The following DMXL1 variants were observed in gnomAD, a reference collection of about 807,000 sequenced individuals.
DMXL1 encodes the protein dmX-like protein 1.
A neutral mutation model predicts 319.2 loss-of-function variants in DMXL1; 99 were observed. That is an observed-to-expected ratio of 0.31 (90% CI 0.26 to 0.37). The LOEUF (loss-of-function observed/expected upper bound fraction) is 0.37. DMXL1 is among the 10% of genes least tolerant of loss of function. DMXL1 has a pLI of 1.00. For missense variants in DMXL1, 3,745 were observed against 3,595.6 expected, an observed-to-expected ratio of 1.04 and a Z score of -1.06; for synonymous variants, 1,385 against 1,235.2, an observed-to-expected ratio of 1.12 and a Z score of -2.54.
Position 119,105,271 on chromosome 5 carries a change from G to A in DMXL1, c.364+13G>A, listed in dbSNP as rs185803926. 8 of 1,600,884 alleles carry A rather than the reference G, an allele frequency of 5.0e-6. No homozygotes were observed. The East Asian group carries it at 1.8e-4, about 36-fold the overall frequency. The stretch of plus-strand genomic sequence containing the variant: ...TGGGATCCCACAGGTAAGAAAATAA[G>A]CAGGATTAACTAAAATGAAATATCA... On this transcript the variant is annotated intron_variant, in intron 4 of 43. Coordinates refer to ENST00000539542, the MANE Select transcript of DMXL1 (RefSeq NM_001290321.3).
chr5:119,089,310 T>A lies in DMXL1; in HGVS notation c.88-8669T>A, dbSNP rs1165924168. 2.2e-3 allele frequency among the ~76,000 whole-genome samples: 234 copies of A among 106,958 alleles called. 2 individuals carry two copies. Among genetic ancestry groups the A allele is most frequent in the African/African-American group, 7.1e-3 (209 of 29,274 alleles). 70.2% of individuals were successfully genotyped at this position (106,958 alleles called of 152,430 possible). A position where few individuals can be genotyped will look rare whatever the true frequency, so the allele number is the denominator to read the frequency against. On this transcript the variant is annotated intron_variant, in intron 1 of 43. Transcript: ENST00000539542. ...TATATATATTTTTTTTTTTTTTTTT[T>A]TTTTTTTTTTTTTGAGACAGAGTCT...
In DMXL1 at chr5:119,133,784, T is replaced by C. The variant is rs558370698; in HGVS notation, c.1860T>C (p.Ala620=). 1.8e-5 allele frequency: 29 copies of C among 1,614,096 alleles called. No homozygotes were observed. In the Middle Eastern group the frequency reaches 6.6e-4, roughly 37 times the overall value. Residue 620 remains alanine, a synonymous_variant, in exon 12 of 44, where the codon GCT becomes GCC. Transcript: ENST00000539542. The part of the protein sequence containing the change: ...QWLVSFAEES[A]FSTVLSISHK... ...TGGTCAGTTTTGCCGAGGAATCTGC[T>C]TTTTCTACTGTTCTCAGTATTTCCC...
At chr5:119,193,331 C>A (rs769210044) in intron 29 of DMXL1, among the ~76,000 whole-genome samples, 1 of 152,098 alleles carries the variant, frequency 6.6e-6, no homozygotes, top group Non-Finnish European at 1.5e-5. Flanking sequence ...TTCCCAAACT[C>A]TTTCTGCATT....
chr5:119,089,390 C>T (rs749478571), intron 1 of DMXL1, among the ~76,000 whole-genome samples: 2 of 140,490 alleles, frequency 1.4e-5, no homozygotes, highest in Non-Finnish European at 3.0e-5. Context: ...ACTGCAACCT[C>T]TGCCTCCTGG....
At chr5:119,209,512 G>A (rs1782366431) in intron 34 of DMXL1, among the ~76,000 whole-genome samples, 1 of 151,922 alleles carries the variant, frequency 6.6e-6, no homozygotes, top group Admixed American at 6.6e-5. Context: ...ACCATGCCCA[G>A]CTCAATTTTA....
intron 37 of DMXL1, among the ~76,000 whole-genome samples, chr5:119,223,051 A>T (rs1784907233): frequency 7.3e-6 from 1 of 137,014 alleles, no homozygotes; most frequent in Non-Finnish European, 1.5e-5. Context: ...TTCATTACTT[A>T]GTTGTGTTTT....
chr5:119,106,430 A>C (rs966655409), intron 4 of DMXL1, among the ~76,000 whole-genome samples: 2 of 152,158 alleles, frequency 1.3e-5, no homozygotes, highest in South Asian at 4.1e-4. Flanking sequence ...CATTTTTACC[A>C]TTCTACGAAA....
Position 119,221,039 on chromosome 5 carries a change from G to A in DMXL1, c.8235G>A (p.Met2745Ile). ...GCAATCCTGGCACTCCAATCAACAT[G>A]CCATGGCTTGGTAGTACACAGACTG... Reference protein sequence around the residue: ...THSNPGTPINMPWLGSTQTGR... With the variant: ...THSNPGTPINIPWLGSTQTGR... The change falls in exon 37 of 44, where the codon ATG (methionine) becomes ATA (isoleucine). Residue 2745 changes from methionine to isoleucine, a missense_variant. By Grantham distance (10) the Met-to-Ile change is conservative (BLOSUM62 1). Around this residue, in one of 4 missense-constraint regions of DMXL1, gnomAD observed 1,382 missense variants for 1,269.5 expected, o/e 1.09. Coordinates refer to ENST00000539542, the MANE Select transcript of DMXL1 (RefSeq NM_001290321.3). 1 of 1,613,784 alleles carries A rather than the reference G, an allele frequency of 6.2e-7. No homozygotes were observed. Among genetic ancestry groups the A allele is most frequent in the Non-Finnish European group, 8.5e-7 (1 of 1,179,826 alleles).
intron 9 of DMXL1, 133 bp downstream of exon 9, chr5:119,121,272 T>C: frequency 2.9e-6 from 2 of 689,326 alleles, no homozygotes; most frequent in Non-Finnish European, 4.2e-6. Flanking sequence ...CTTTTTTTTT[T>C]CTTTTTTTTT....
intron 7 of DMXL1, among the ~76,000 whole-genome samples, 192 bp downstream of exon 7, chr5:119,116,528 C>T (rs1000066002): frequency 2.0e-5 from 3 of 152,138 alleles, no homozygotes; most frequent in East Asian, 1.9e-4. Context: ...AGGATAAGAG[C>T]CGTATTAAAG....
chr5:119,092,866 G>GAT (rs1378697326), intron 1 of DMXL1, among the ~76,000 whole-genome samples: 7 of 152,152 alleles, frequency 4.6e-5, no homozygotes, highest in African/African-American at 1.4e-4. Context: ...CCATTGTATG[G>GAT]ATATATACTA....
At chr5:119,172,374 G>A (rs570246649) in intron 25 of DMXL1, among the ~76,000 whole-genome samples, 25 of 152,252 alleles carry the variant, frequency 1.6e-4, no homozygotes, top group African/African-American at 5.5e-4. Context: ...CACATTTTAA[G>A]GATAATGTGA....
chr5:119,101,654 T>C, intron 2 of DMXL1, among the ~76,000 whole-genome samples: 1 of 152,206 alleles, frequency 6.6e-6, no homozygotes, highest in East Asian at 1.9e-4. Context: ...ACAAATGTTA[T>C]TTCAACCCTC....
At position 119,170,745 on chromosome 5, in the gene DMXL1, A is replaced by G; in HGVS notation, c.5954A>G (p.Glu1985Gly). 6.2e-7 allele frequency: 1 copy of G among 1,612,828 alleles called. No individual in the cohort carries two copies. The highest frequency in any genetic ancestry group is 8.5e-7 in the Non-Finnish European group (1 of 1,179,774). Reference protein sequence around the residue: ...ENEDVPISMKELKPLQRKTDK... With the variant: ...ENEDVPISMKGLKPLQRKTDK... ...GAGGATGTCCCTATTTCAATGAAAGAACTAAAACCTTTACAGAGAAAAACA... is the reference window on the plus strand; with the variant it reads ...GAGGATGTCCCTATTTCAATGAAAGGACTAAAACCTTTACAGAGAAAAACA... Residue 1985 changes from glutamate (E) to glycine (G), a missense_variant, in exon 24 of 44, where the codon GAA (glutamate) becomes GGA (glycine). Physicochemically the swap from Glu to Gly is moderately conservative, Grantham distance 98 (BLOSUM62 -2). Coordinates refer to ENST00000539542, the MANE Select transcript of DMXL1 (RefSeq NM_001290321.3).
intron 9 of DMXL1, among the ~76,000 whole-genome samples, chr5:119,126,330 T>C (rs1350767140): frequency 2.6e-5 from 4 of 152,198 alleles, no homozygotes; most frequent in African/African-American, 9.6e-5. Flanking sequence ...TTGTATGTGC[T>C]GCATTGAATG....
At chr5:119,128,679 G>T (rs548604339) in intron 9 of DMXL1, among the ~76,000 whole-genome samples, 298 of 152,316 alleles carry the variant, frequency 2.0e-3, no homozygotes, top group African/African-American at 6.8e-3. Flanking sequence ...TGTTGATAAT[G>T]TGGGAGGCTA....
At chr5:119,204,873 A>G (rs1254674966) in intron 33 of DMXL1, among the ~76,000 whole-genome samples, 1 of 152,232 alleles carries the variant, frequency 6.6e-6, no homozygotes, top group Non-Finnish European at 1.5e-5. Context: ...GCTTCACAAT[A>G]GACAAGTAAG....
At chr5:119,223,404 T>C (rs1036501871) in intron 37 of DMXL1, among the ~76,000 whole-genome samples, 9 of 152,158 alleles carry the variant, frequency 5.9e-5, no homozygotes, top group South Asian at 2.1e-4. Flanking sequence ...CTTCGAGAGC[T>C]TGGATTCTGC....
At chr5:119,213,434 G>A (rs1036038724) in intron 34 of DMXL1, among the ~76,000 whole-genome samples, 8 of 152,138 alleles carry the variant, frequency 5.3e-5, no homozygotes, top group African/African-American at 1.9e-4. Flanking sequence ...AATAACTGAA[G>A]CCCATCTCCC....
Sources: allele counts gnomAD v4.1 joint callset (sites outside exome capture counted in the v4.1 genomes callset), GRCh38; gene constraint gnomAD v4.1.1; regional missense constraint gnomAD v4.1.1; transcripts MANE v1.5; gene names NCBI Gene and HGNC (gene_info 2026-07-23, HGNC 2026-07-21).